Variants in NKAIN2 observed in about 807,000 individuals in gnomAD.
NKAIN2 encodes sodium/potassium-transporting ATPase subunit beta-1-interacting protein 2.
NKAIN2 carries 14 observed loss-of-function variants against 32.6 expected under a neutral mutation model. The ratio of observed to expected loss-of-function variants is 0.43; its 90% CI spans 0.28 to 0.67. The LOEUF (loss-of-function observed/expected upper bound fraction) is 0.67. NKAIN2 is among the 30% of genes least tolerant of loss of function. The pLI is 0.17. For missense variants in NKAIN2, 198 were observed against 258.3 expected (o/e 0.77, Z 1.60); for synonymous variants, 80 against 87.2 (o/e 0.92, Z 0.46).
chr6:124,492,410 G>A (rs1003364467), intron 3 of NKAIN2, among the ~76,000 whole-genome samples: 3 of 151,866 alleles, frequency 2.0e-5, no homozygotes, highest in African/African-American at 7.2e-5. Context: ...CTACGGTTCA[G>A]TTAAATGTTA....
chr6:124,330,166 G>A (rs939545685), intron 2 of NKAIN2, among the ~76,000 whole-genome samples: 1 of 152,190 alleles, frequency 6.6e-6, no homozygotes, highest in Non-Finnish European at 1.5e-5. Flanking sequence ...GTTACTGAAT[G>A]CCAAGAACTA....
At chr6:124,701,154 C>G (rs917051420) in intron 4 of NKAIN2, among the ~76,000 whole-genome samples, 1 of 43,108 alleles carries the variant, frequency 2.3e-5, no homozygotes, top group Admixed American at 2.2e-4. Context: ...CACACACACG[C>G]ACACACACAC....
In NKAIN2 at chr6:124,240,409, T is replaced by A. The variant is rs182507534; in HGVS notation, c.55-42596T>A. 2.2e-3 allele frequency among the ~76,000 whole-genome samples: 334 copies of A among 152,168 alleles called. 2 individuals are homozygous for A. The highest frequency in any genetic ancestry group is 7.7e-3 in the African/African-American group (320 of 41,526). Reference sequence around the variant, plus strand: ...AACTCATTTTATGAGGCCAGCATTATCCTGATATCAAAACCCGGTAGAGAC... The same window carrying A: ...AACTCATTTTATGAGGCCAGCATTAACCTGATATCAAAACCCGGTAGAGAC... On this transcript the variant is annotated intron_variant, in intron 1 of 6. Transcript: ENST00000368417.
intron 3 of NKAIN2, among the ~76,000 whole-genome samples, chr6:124,540,242 A>G (rs191957050): frequency 7.9e-5 from 12 of 152,358 alleles, no homozygotes; most frequent in Admixed American, 4.6e-4. Context: ...CAAATTCTCT[A>G]TGACAAGGCA....
chr6:123,951,121 G>T (rs1001152964), intron 1 of NKAIN2, among the ~76,000 whole-genome samples: 10 of 151,892 alleles, frequency 6.6e-5, no homozygotes, highest in African/African-American at 2.4e-4. Flanking sequence ...GTTCTGAGAA[G>T]ATACTTGTTA....
chr6:124,459,535 C>G (rs1035272642), intron 3 of NKAIN2, among the ~76,000 whole-genome samples: 51 of 151,794 alleles, frequency 3.4e-4, no homozygotes, highest in African/African-American at 1.2e-3. Context: ...CATCTTGACA[C>G]CTAAGTGATG....
chr6:124,213,477 A>C (rs1169925177), intron 1 of NKAIN2, among the ~76,000 whole-genome samples: 1 of 152,002 alleles, frequency 6.6e-6, no homozygotes, highest in Non-Finnish European at 1.5e-5. Flanking sequence ...CACTATACCC[A>C]CCAGAAAAAA....
intron 1 of NKAIN2, among the ~76,000 whole-genome samples, chr6:123,950,758 C>G (rs1777288423): frequency 6.6e-6 from 1 of 151,434 alleles, no homozygotes; most frequent in East Asian, 1.9e-4. Flanking sequence ...TTTGATTGTT[C>G]CTTTGTGTTG....
intron 4 of NKAIN2, among the ~76,000 whole-genome samples, chr6:124,746,291 C>A (rs1482904222): frequency 6.6e-6 from 1 of 151,702 alleles, no homozygotes; most frequent in Non-Finnish European, 1.5e-5. Flanking sequence ...AAAATTAGTG[C>A]TTTTAATAAG....
intron 3 of NKAIN2, among the ~76,000 whole-genome samples, chr6:124,377,896 A>G (rs1383243922): frequency 6.6e-6 from 1 of 151,852 alleles, no homozygotes; most frequent in African/African-American, 2.4e-5. Context: ...TTCACATGAG[A>G]CTCCAGCCTC....
At chr6:123,826,852 G>T (rs1417734124) in intron 1 of NKAIN2, among the ~76,000 whole-genome samples, 2 of 152,086 alleles carry the variant, frequency 1.3e-5, no homozygotes, top group African/African-American at 4.8e-5. Context: ...TCTTTTGGGT[G>T]TATATCCAGA....
At chr6:124,788,115 C>T (rs1779585106) in intron 4 of NKAIN2, among the ~76,000 whole-genome samples, 1 of 152,006 alleles carries the variant, frequency 6.6e-6, no homozygotes. Context: ...TATATGTATA[C>T]CTGCTACAAA....
At chr6:123,828,244 CT>C (rs1774233118) in intron 1 of NKAIN2, among the ~76,000 whole-genome samples, 1 of 152,062 alleles carries the variant, frequency 6.6e-6, no homozygotes, top group South Asian at 2.1e-4. Context: ...TCTTATTTGC[CT>C]CTGTATTACC....
intron 1 of NKAIN2, among the ~76,000 whole-genome samples, chr6:124,164,844 T>G (rs1788455202): frequency 6.6e-6 from 1 of 152,034 alleles, no homozygotes; most frequent in Non-Finnish European, 1.5e-5. Flanking sequence ...TATTTTAAAG[T>G]AACAATGTGC....
intron 1 of NKAIN2, among the ~76,000 whole-genome samples, chr6:123,873,561 G>A (rs567403544): frequency 3.9e-5 from 6 of 152,248 alleles, no homozygotes; most frequent in African/African-American, 7.2e-5. Context: ...AAATGCAGGC[G>A]AGAGGAGAGA....
At chr6:124,029,793 C>T (rs1159048153) in intron 1 of NKAIN2, among the ~76,000 whole-genome samples, 1 of 152,108 alleles carries the variant, frequency 6.6e-6, no homozygotes, top group East Asian at 1.9e-4. Flanking sequence ...GTATTTACAG[C>T]CGCTCCCCAT....
In NKAIN2 at chr6:124,822,842, G is replaced by T. The variant is rs181552748; in HGVS notation, c.618-378G>T. On this transcript the variant is annotated intron_variant, in intron 6 of 6. Coordinates refer to ENST00000368417, the MANE Select transcript of NKAIN2 (RefSeq NM_001040214.3). ...AAGTTTTTAACAAAATAGCTGCTTT[G>T]ACTACCAGAGACCTATGTGACTGTC... Among the ~76,000 whole-genome samples the T allele has an allele frequency of 1.9e-4, 29 of 152,040 alleles. No individual in the cohort carries two copies. The East Asian group carries it at 5.6e-3, about 29-fold the overall frequency.
At chr6:124,147,062 T>A (rs998850729) in intron 1 of NKAIN2, among the ~76,000 whole-genome samples, 2 of 152,194 alleles carry the variant, frequency 1.3e-5, no homozygotes, top group African/African-American at 4.8e-5. Context: ...AACATTGTCA[T>A]CCAATTATGT....
intron 1 of NKAIN2, among the ~76,000 whole-genome samples, chr6:123,959,987 T>G (rs1777774142): frequency 6.6e-6 from 1 of 150,546 alleles, no homozygotes; most frequent in Admixed American, 6.6e-5. Flanking sequence ...CCATTCACAC[T>G]TGAAAGTTGT....
Sources: allele counts gnomAD v4.1 joint callset (sites outside exome capture counted in the v4.1 genomes callset), GRCh38; gene constraint gnomAD v4.1.1; transcripts MANE v1.5; gene names NCBI Gene and HGNC (gene_info 2026-07-23, HGNC 2026-07-21).